Variants in QKI observed in about 807,000 individuals in gnomAD.
QKI encodes the protein KH domain-containing RNA-binding protein QKI.
QKI carries 10 observed loss-of-function variants against 39.0 expected under a neutral mutation model. The ratio of observed to expected loss-of-function variants is 0.26; its 90% CI spans 0.16 to 0.43. The LOEUF (loss-of-function observed/expected upper bound fraction) is 0.43. QKI is among the 20% of genes least tolerant of loss of function. The pLI is 1.00. For missense variants in QKI, 218 were observed against 428.0 expected (o/e 0.51, Z 4.33); for synonymous variants, 204 against 155.4 (o/e 1.31, Z -2.33).
chr6:163,467,177 G>A (rs1466892273), intron 2 of QKI, among the ~76,000 whole-genome samples: 6 of 152,208 alleles, frequency 3.9e-5, no homozygotes, highest in African/African-American at 1.2e-4. Context: ...ACACACGTGC[G>A]TGTACATGCG....
At chr6:163,483,409 CT>C (rs1191902769) in intron 3 of QKI, among the ~76,000 whole-genome samples, 1 of 152,194 alleles carries the variant, frequency 6.6e-6, no homozygotes, top group Non-Finnish European at 1.5e-5. Flanking sequence ...AAAGATGTCT[CT>C]AGCATGCAGT....
chr6:163,426,453 G>C (rs1402693501), intron 1 of QKI, among the ~76,000 whole-genome samples: 1 of 152,110 alleles, frequency 6.6e-6, no homozygotes. Flanking sequence ...AGGAAAGATT[G>C]ATACCTGGAT....
At chr6:163,517,678 A>G (rs1458959464) in intron 3 of QKI, among the ~76,000 whole-genome samples, 2 of 152,152 alleles carry the variant, frequency 1.3e-5, no homozygotes, top group Non-Finnish European at 2.9e-5. Context: ...GAAAAAATAT[A>G]CTTTATAGAC....
intron 7 of QKI, chr6:163,569,147 A>G (rs1287621578): frequency 3.2e-6 from 3 of 943,176 alleles, no homozygotes; most frequent in African/African-American, 3.6e-5. Flanking sequence ...CATGTTAAAT[A>G]TTTATTTTCT....
intron 3 of QKI, among the ~76,000 whole-genome samples, chr6:163,510,229 TAATAATAATA>T (rs2128234809): frequency 9.3e-6 from 1 of 107,726 alleles, no homozygotes; most frequent in East Asian, 2.4e-4. Context: ...ATAATAATAA[TAATAATAATA>T]ATAATAATAA....
At position 163,415,188 on chromosome 6, in the gene QKI, T is replaced by C. The variant is rs1256108464; in HGVS notation, c.-6T>C. 2.6e-6 allele frequency: 4 copies of C among 1,548,478 alleles called. No homozygotes were observed. Among genetic ancestry groups the C allele is most frequent in the African/African-American group, 1.4e-5 (1 of 71,544 alleles). ...GGCGGGCGGAGTGAGCTGCGGAGCCTGGAATATGGTCGGGGAAATGGAAAC... is the reference window on the plus strand; with the variant it reads ...GGCGGGCGGAGTGAGCTGCGGAGCCCGGAATATGGTCGGGGAAATGGAAAC... On this transcript the variant is annotated 5_prime_UTR_variant, in exon 1 of 8. Coordinates refer to ENST00000361752, the MANE Select transcript of QKI (RefSeq NM_006775.3).
intron 2 of QKI, among the ~76,000 whole-genome samples, chr6:163,460,727 T>C (rs959283605): frequency 1.3e-5 from 2 of 152,156 alleles, no homozygotes; most frequent in Non-Finnish European, 2.9e-5. Context: ...TGTTGAAGGA[T>C]CACGAACTTC....
chr6:163,422,087 C>CT (rs751971545), intron 1 of QKI, among the ~76,000 whole-genome samples: 73 of 152,178 alleles, frequency 4.8e-4, no homozygotes, highest in Non-Finnish European at 9.3e-4. Flanking sequence ...TATTACTGTG[C>CT]TTTAGCAGTA....
At chr6:163,520,338 G>A (rs553145527) in intron 3 of QKI, among the ~76,000 whole-genome samples, 2 of 152,176 alleles carry the variant, frequency 1.3e-5, no homozygotes, top group South Asian at 2.1e-4. Context: ...ACTGGATAAT[G>A]TATAGAATAT....
At chr6:163,566,686 T>G (rs1257578705) in intron 6 of QKI, 35 bp from the exon 7 acceptor site, 1 of 1,610,924 alleles carries the variant, frequency 6.2e-7, no homozygotes, top group Non-Finnish European at 8.5e-7. Flanking sequence ...TGTGAATGTT[T>G]TCTAACTTTG....
intron 3 of QKI, among the ~76,000 whole-genome samples, chr6:163,494,408 G>A (rs533715103): frequency 1.6e-4 from 25 of 152,308 alleles, no homozygotes; most frequent in African/African-American, 6.0e-4. Context: ...TGTACACACA[G>A]TGTTGATTTT....
chr6:163,463,589 C>T (rs1251959571), intron 2 of QKI, among the ~76,000 whole-genome samples: 1 of 152,148 alleles, frequency 6.6e-6, no homozygotes, highest in Non-Finnish European at 1.5e-5. Flanking sequence ...TCCTAAATTA[C>T]GGTGTATCAT....
rs201858963 is a variant in QKI at position 163,500,993 on chromosome 6, AAAAT to A, written c.402+22100_402+22103del. On this transcript the variant is annotated intron_variant, in intron 3 of 7. Transcript: ENST00000361752. ...CATGTAGCTTCTGATAGAAACCCACAAAATAAGATGAAAATAGTTTCTCAGTCAA... is the reference window on the plus strand; with the variant it reads ...CATGTAGCTTCTGATAGAAACCCACAAAGATGAAAATAGTTTCTCAGTCAA... Among the ~76,000 whole-genome samples the A allele has an allele frequency of 2.7e-3, 406 of 152,268 alleles. 11 individuals carry two copies. In the East Asian group the frequency reaches 0.057, roughly 21 times the overall value.
intron 1 of QKI, among the ~76,000 whole-genome samples, chr6:163,445,808 A>T (rs1330832844): frequency 6.6e-6 from 1 of 151,726 alleles, no homozygotes; most frequent in African/African-American, 2.4e-5. Flanking sequence ...TAGAGAAGGG[A>T]TTTCACTGTG....
At chr6:163,547,047 C>T (rs1781926916) in intron 4 of QKI, among the ~76,000 whole-genome samples, 1 of 151,988 alleles carries the variant, frequency 6.6e-6, no homozygotes, top group African/African-American at 2.4e-5. Flanking sequence ...TAGTAACCTT[C>T]TTTGTAGAAT....
At chr6:163,533,457 T>G (rs1031326632) in intron 3 of QKI, among the ~76,000 whole-genome samples, 1 of 152,238 alleles carries the variant, frequency 6.6e-6, no homozygotes, top group Non-Finnish European at 1.5e-5. Context: ...AACCACATTT[T>G]TACTAATAGC....
chr6:163,551,746 G>A (rs1782245407), intron 4 of QKI, among the ~76,000 whole-genome samples: 1 of 152,212 alleles, frequency 6.6e-6, no homozygotes, highest in African/African-American at 2.4e-5. Flanking sequence ...AGGAGTCAGA[G>A]TCACTTTGAA....
chr6:163,452,737 TA>T (rs1350166028), intron 1 of QKI, among the ~76,000 whole-genome samples: 2 of 152,230 alleles, frequency 1.3e-5, no homozygotes, highest in East Asian at 3.8e-4. Context: ...TCTTTTTATT[TA>T]TTTTTTTAGA....
chr6:163,564,948 A>T, intron 6 of QKI: 1 of 1,321,194 alleles, frequency 7.6e-7, no homozygotes, highest in Non-Finnish European at 9.6e-7. Context: ...TCTTTAATGA[A>T]CTGGAGAACA....
Sources: gnomAD v4.1 joint callset for allele counts (sites outside exome capture counted in the v4.1 genomes callset) on GRCh38, gnomAD v4.1.1 for gene constraint, MANE v1.5 for transcripts, NCBI Gene and HGNC (gene_info 2026-07-23, HGNC 2026-07-21) for gene names.